PTPRZ1: variants seen among roughly 807,000 people sequenced by gnomAD.
The protein encoded by PTPRZ1 is receptor-type tyrosine-protein phosphatase zeta.
In PTPRZ1, 82 loss-of-function variants were observed where a neutral mutation model predicts 214.1. The observed-to-expected ratio is 0.38, with a 90% CI of 0.32 to 0.46. The LOEUF is 0.46. Ranked by LOEUF, PTPRZ1 falls within the 20% of genes least tolerant of loss-of-function variation. The probability of loss-of-function intolerance (pLI) is 1.00; values close to 1 mark genes in which losing one functional copy is unlikely to be tolerated. For missense variants in PTPRZ1, 2,603 were observed against 2,748.7 expected, an observed-to-expected ratio of 0.95 and a Z score of 1.19; for synonymous variants, 945 against 987.9, an observed-to-expected ratio of 0.96 and a Z score of 0.81.
intron 1 of PTPRZ1, among the ~76,000 whole-genome samples, chr7:121,922,123 C>G (rs1795619158): frequency 6.6e-6 from 1 of 152,090 alleles, no homozygotes; most frequent in South Asian, 2.1e-4. Flanking sequence ...TTTGTCTTAG[C>G]AAATCAAGGT....
intron 2 of PTPRZ1, among the ~76,000 whole-genome samples, chr7:121,945,213 A>G (rs1354207800): frequency 6.6e-6 from 1 of 152,216 alleles, no homozygotes; most frequent in Non-Finnish European, 1.5e-5. Context: ...AGTGCCCCAG[A>G]TGGAGCTTGA....
intron 1 of PTPRZ1, among the ~76,000 whole-genome samples, chr7:121,877,734 C>A (rs373880348): frequency 9.9e-5 from 15 of 152,190 alleles, no homozygotes; most frequent in African/African-American, 2.4e-4. Flanking sequence ...TTCTTTAAAT[C>A]TTGTTTTAAA....
At chr7:121,915,815 A>G (rs986302488) in intron 1 of PTPRZ1, among the ~76,000 whole-genome samples, 1 of 151,980 alleles carries the variant, frequency 6.6e-6, no homozygotes, top group Non-Finnish European at 1.5e-5. Flanking sequence ...AAAACAGGTT[A>G]CATTTCAATA....
intron 23 of PTPRZ1, among the ~76,000 whole-genome samples, chr7:122,047,647 CTTT>C (rs533970486): frequency 9.9e-6 from 1 of 101,034 alleles, no homozygotes. Flanking sequence ...ACATATATTC[CTTT>C]TTTTTTTTTT....
intron 1 of PTPRZ1, among the ~76,000 whole-genome samples, chr7:121,919,634 A>G (rs1563017584): frequency 6.6e-6 from 1 of 151,986 alleles, no homozygotes; most frequent in African/African-American, 2.4e-5. Context: ...TTCCACTTGT[A>G]ATTTATTTTT....
chr7:121,873,570 A>G lies in PTPRZ1; in HGVS notation c.58+13A>G. 1 of 1,613,182 alleles carries G rather than the reference A, an allele frequency of 6.2e-7. No homozygotes were observed. ...GTTTGCCGCCTGGGTGAGTGAGAAG[A>G]GCTCGGTGGGGTTTCAGCTCCGGGA... On this transcript the variant is annotated intron_variant, in intron 1 of 29. Transcript: ENST00000393386.
chr7:122,003,843 T>G (rs890705362), intron 10 of PTPRZ1, among the ~76,000 whole-genome samples: 10 of 152,194 alleles, frequency 6.6e-5, no homozygotes, highest in Non-Finnish European at 1.3e-4. Context: ...CAGCTTAGTC[T>G]TTCCTGACAT....
At position 121,976,256 on chromosome 7, in the gene PTPRZ1, C is replaced by T. The variant is rs1457457684; in HGVS notation, c.540C>T (p.Ser180=). The T allele has an allele frequency of 1.2e-5, 20 of 1,601,712 alleles. No individual in the cohort carries two copies. In the East Asian group the frequency reaches 4.3e-4, roughly 34 times the overall value. ...VKGKGKLRAL[S]ILFEVGTEEN... ...GAAAAGGGAAGTTAAGAGCTTTATC[C>T]ATTTTGTTTGAGGTAATATATATAC... Residue 180 remains serine, a synonymous_variant, in exon 5 of 30, where the codon TCC becomes TCT. Coordinates refer to ENST00000393386, the MANE Select transcript of PTPRZ1 (RefSeq NM_002851.3).
intron 2 of PTPRZ1, among the ~76,000 whole-genome samples, chr7:121,950,480 A>G (rs1796517600): frequency 6.6e-6 from 1 of 152,226 alleles, no homozygotes; most frequent in Admixed American, 6.5e-5. Flanking sequence ...AGCAAAGTAA[A>G]ATCCAAGATA....
At chr7:122,027,546 A>T (rs1799238625) in intron 13 of PTPRZ1, among the ~76,000 whole-genome samples, 1 of 152,180 alleles carries the variant, frequency 6.6e-6, no homozygotes, top group South Asian at 2.1e-4. Flanking sequence ...TTTAGATGGA[A>T]AGTGAGATTG....
chr7:122,059,700 G>A (rs199796777), intron 28 of PTPRZ1, 53 bp from the exon 29 acceptor site: 109 of 1,547,340 alleles, frequency 7.0e-5, no homozygotes, highest in Non-Finnish European at 6.4e-5. Context: ...TTCTAAATGT[G>A]AGTGGTGCAT....
chr7:121,974,909 A>G (rs1203279576), intron 4 of PTPRZ1, among the ~76,000 whole-genome samples: 1 of 152,180 alleles, frequency 6.6e-6, no homozygotes, highest in African/African-American at 2.4e-5. Flanking sequence ...TCAATTCACC[A>G]GGCATGGTGG....
intron 1 of PTPRZ1, among the ~76,000 whole-genome samples, chr7:121,911,177 C>T (rs1035441021): frequency 3.3e-5 from 5 of 151,910 alleles, no homozygotes; most frequent in Admixed American, 3.3e-4. Context: ...TTTAATAGTG[C>T]TTTCTTCTAT....
chr7:121,884,011 TAATC>T (rs1794320413), intron 1 of PTPRZ1, among the ~76,000 whole-genome samples: 1 of 152,188 alleles, frequency 6.6e-6, no homozygotes, highest in East Asian at 1.9e-4. Context: ...ATTGGTAAAT[TAATC>T]AATTACTAAG....
intron 2 of PTPRZ1, among the ~76,000 whole-genome samples, chr7:121,939,390 A>G (rs1375346636): frequency 1.3e-5 from 2 of 152,112 alleles, no homozygotes; most frequent in Non-Finnish European, 2.9e-5. Flanking sequence ...TTACCTCTAA[A>G]CTCTGTAGTT....
chr7:122,021,840 T>C (rs908923622), intron 13 of PTPRZ1, among the ~76,000 whole-genome samples: 1 of 152,246 alleles, frequency 6.6e-6, no homozygotes, highest in African/African-American at 2.4e-5. Flanking sequence ...TGTTAAGTAG[T>C]GTTAGATATC....
At chr7:122,015,662 G>A (rs1798822219) in intron 12 of PTPRZ1, among the ~76,000 whole-genome samples, 1 of 152,020 alleles carries the variant, frequency 6.6e-6, no homozygotes, top group Admixed American at 6.6e-5. Context: ...TTACCAGGTA[G>A]TGACATTGAT....
At chr7:121,984,268 A>C in intron 8 of PTPRZ1, 151 bp downstream of exon 8, 1 of 645,974 alleles carries the variant, frequency 1.5e-6, no homozygotes, top group South Asian at 4.4e-5. Context: ...TAATTTTCTG[A>C]ATATCAGATA....
intron 13 of PTPRZ1, chr7:122,028,302 T>TG (rs1799266618): frequency 6.1e-6 from 2 of 330,556 alleles, no homozygotes; most frequent in Non-Finnish European, 1.1e-5. Flanking sequence ...CTTCAAATTC[T>TG]GTCTGTGCTT....
Sources: gnomAD v4.1 joint callset for allele counts (sites outside exome capture counted in the v4.1 genomes callset) on GRCh38, gnomAD v4.1.1 for gene constraint, MANE v1.5 for transcripts, NCBI Gene and HGNC (gene_info 2026-07-23, HGNC 2026-07-21) for gene names.